Variants in GFRA1 observed in about 807,000 individuals in gnomAD.
The protein encoded by GFRA1 is GDNF family receptor alpha 1, also known as GDNF family receptor alpha-1.
Under a neutral mutation model 51.6 loss-of-function variants are expected in GFRA1, and 16 were observed. The observed-to-expected ratio is 0.31, with a 90% CI of 0.21 to 0.47. The LOEUF (loss-of-function observed/expected upper bound fraction) is 0.47. Ranked by LOEUF, GFRA1 falls within the 20% of genes least tolerant of loss-of-function variation. The pLI, the probability that GFRA1 is intolerant of heterozygous loss-of-function variation, is 1.00. For missense variants in GFRA1, 530 were observed against 594.3 expected, an observed-to-expected ratio of 0.89 and a Z score of 1.13; for synonymous variants, 270 against 241.3, an observed-to-expected ratio of 1.12 and a Z score of -1.10.
intron 6 of GFRA1, among the ~76,000 whole-genome samples, chr10:116,097,763 G>A (rs1042312564): frequency 6.6e-6 from 1 of 152,298 alleles, no homozygotes; most frequent in South Asian, 2.1e-4. Flanking sequence ...GTTCTCTTCT[G>A]TCTTTAGCTC....
intron 5 of GFRA1, among the ~76,000 whole-genome samples, chr10:116,132,545 C>A (rs1353897758): frequency 6.6e-6 from 1 of 152,122 alleles, no homozygotes; most frequent in African/African-American, 2.4e-5. Flanking sequence ...GCGCACGGCA[C>A]ATGGGAAATC....
intron 9 of GFRA1, among the ~76,000 whole-genome samples, chr10:116,084,249 G>A (rs1464029136): frequency 6.6e-6 from 1 of 152,192 alleles, no homozygotes; most frequent in Non-Finnish European, 1.5e-5. Flanking sequence ...GCATGCTTTC[G>A]AAGATTATCC....
At chr10:116,096,963 C>T (rs1381005686) in intron 6 of GFRA1, among the ~76,000 whole-genome samples, 199 bp from the exon 7 acceptor site, 1 of 152,032 alleles carries the variant, frequency 6.6e-6, no homozygotes, top group Non-Finnish European at 1.5e-5. Flanking sequence ...CTCATTCAAC[C>T]CCCTCATGTC....
At chr10:116,273,964 G>C (rs1312020513), upstream of GFRA1, among the ~76,000 whole-genome samples, 1 of 152,228 alleles carries the variant, frequency 6.6e-6, no homozygotes, top group Non-Finnish European at 1.5e-5. Flanking sequence ...CTCTCTCCTG[G>C]AGCTCCGACA....
chr10:116,131,904 G>GAAAAA (rs71010066), intron 5 of GFRA1, among the ~76,000 whole-genome samples: 5 of 100,164 alleles, frequency 5.0e-5, no homozygotes, highest in Admixed American at 2.2e-4. Context: ...ATCTCAAAAG[G>GAAAAA]AAAAAAAAAA....
At chr10:116,218,435 C>T (rs80088276) in intron 4 of GFRA1, among the ~76,000 whole-genome samples, 3,053 of 152,250 alleles carry the variant, frequency 0.02, 60 homozygotes, top group Middle Eastern at 0.034. Flanking sequence ...GAAAAGAGTT[C>T]CATTGCTTTA....
intron 5 of GFRA1, among the ~76,000 whole-genome samples, chr10:116,140,464 T>C (rs1387590468): frequency 3.3e-5 from 5 of 152,160 alleles, no homozygotes; most frequent in African/African-American, 1.2e-4. Context: ...TTAGTGATGT[T>C]TGGGGATTGA....
intron 6 of GFRA1, among the ~76,000 whole-genome samples, chr10:116,124,516 C>A (rs1363308681): frequency 6.6e-6 from 1 of 152,222 alleles, no homozygotes; most frequent in Non-Finnish European, 1.5e-5. Flanking sequence ...CAGGCGTGAG[C>A]CACCACACCC....
intron 5 of GFRA1, among the ~76,000 whole-genome samples, chr10:116,144,257 TAA>T (rs575159242): frequency 8.4e-4 from 127 of 152,036 alleles, no homozygotes; most frequent in African/African-American, 2.8e-3. Context: ...AATAATAATC[TAA>T]GTTATAACAA....
intron 6 of GFRA1, among the ~76,000 whole-genome samples, chr10:116,102,854 C>A (rs1956868687): frequency 1.3e-5 from 2 of 152,160 alleles, no homozygotes; most frequent in Admixed American, 1.3e-4. Flanking sequence ...CAGGAGAAAC[C>A]CAGAACTTTG....
At chr10:116,106,255 G>GT (rs1565579209) in intron 6 of GFRA1, among the ~76,000 whole-genome samples, 1 of 152,198 alleles carries the variant, frequency 6.6e-6, no homozygotes, top group Non-Finnish European at 1.5e-5. Context: ...GAATAAATGT[G>GT]TGTTGTTTGA....
intron 5 of GFRA1, among the ~76,000 whole-genome samples, chr10:116,158,344 G>A (rs533465318): frequency 1.1e-4 from 17 of 152,326 alleles, no homozygotes; most frequent in African/African-American, 3.1e-4. Flanking sequence ...CTCCATGAGG[G>A]CTGGCACTGT....
At chr10:116,166,802 T>C in intron 5 of GFRA1, among the ~76,000 whole-genome samples, 1 of 91,606 alleles carries the variant, frequency 1.1e-5, no homozygotes, top group African/African-American at 4.5e-5. Flanking sequence ...TTTTTTTTTT[T>C]TTTTTTTTTT....
intron 5 of GFRA1, among the ~76,000 whole-genome samples, chr10:116,185,846 T>C (rs1962658549): frequency 6.6e-6 from 1 of 152,240 alleles, no homozygotes; most frequent in Non-Finnish European, 1.5e-5. Flanking sequence ...TTATTGTCGC[T>C]GTTTTAATTA....
chr10:116,251,294 A>G (rs965457601), intron 4 of GFRA1, among the ~76,000 whole-genome samples: 4 of 152,320 alleles, frequency 2.6e-5, no homozygotes, highest in South Asian at 2.1e-4. Flanking sequence ...AAGTCATCCA[A>G]AGAATCTTGA....
intron 5 of GFRA1, among the ~76,000 whole-genome samples, chr10:116,207,373 C>T (rs1964860805): frequency 6.6e-6 from 1 of 152,184 alleles, no homozygotes; most frequent in African/African-American, 2.4e-5. Flanking sequence ...TCTGGCACAC[C>T]ATTCCAGATT....
rs143488936 is a variant in GFRA1, at chr10:116,170,055, G to A, written c.433+41576C>T. ...CACCCACCATAAGGGGTTTGAGCACGTGGAAGCAGCTGAGCAAAGGAGCCA... is the reference window on the plus strand; with the variant it reads ...CACCCACCATAAGGGGTTTGAGCACATGGAAGCAGCTGAGCAAAGGAGCCA... On this transcript the variant is annotated intron_variant, in intron 5 of 10. Coordinates refer to ENST00000355422, the MANE Select transcript of GFRA1 (RefSeq NM_005264.8). 7.3e-3 allele frequency among the ~76,000 whole-genome samples: 1,110 copies of A among 152,286 alleles called. 12 individuals carry two copies. The highest frequency in any genetic ancestry group is 0.024 in the South Asian group (117 of 4,828).
At chr10:116,081,348 T>C (rs1955842087) in intron 9 of GFRA1, among the ~76,000 whole-genome samples, 1 of 152,216 alleles carries the variant, frequency 6.6e-6, no homozygotes, top group African/African-American at 2.4e-5. Flanking sequence ...TCATTACTTT[T>C]CTTTATGCTC....
intron 4 of GFRA1, among the ~76,000 whole-genome samples, chr10:116,227,942 A>G (rs983656127): frequency 6.6e-6 from 1 of 152,232 alleles, no homozygotes; most frequent in Non-Finnish European, 1.5e-5. Context: ...GAGGCTATCA[A>G]GTTATTTTAA....
Sources: allele counts gnomAD v4.1 joint callset (sites outside exome capture counted in the v4.1 genomes callset), GRCh38; gene constraint gnomAD v4.1.1; transcripts MANE v1.5; gene names NCBI Gene and HGNC (gene_info 2026-07-23, HGNC 2026-07-21).